The following CLNK variants were observed in gnomAD, a reference collection of about 807,000 sequenced individuals.
CLNK encodes the protein cytokine-dependent hematopoietic cell linker.
Under a neutral mutation model 68.6 loss-of-function variants are expected in CLNK, and 74 were observed. That is an observed-to-expected ratio of 1.08 (90% CI 0.89 to 1.31). The LOEUF (loss-of-function observed/expected upper bound fraction) is 1.31, where lower values mean the gene tolerates loss of function less well. Ranked by LOEUF, CLNK falls within the 50% of genes most tolerant of loss-of-function variation. CLNK has a pLI of 0.00. For synonymous variants in CLNK, 198 were observed against 172.2 expected (o/e 1.15, Z -1.17); for missense variants, 553 against 515.3 (o/e 1.07, Z -0.71).
At chr4:10,648,790 C>G (rs1723617974) in intron 2 of CLNK, among the ~76,000 whole-genome samples, 1 of 152,130 alleles carries the variant, frequency 6.6e-6, no homozygotes, top group Non-Finnish European at 1.5e-5. Context: ...AACACAGAAG[C>G]TCAGTACTAA....
chr4:10,721,843 C>T, the CLNK span, among the ~76,000 whole-genome samples: 3 of 152,152 alleles, frequency 2.0e-5, no homozygotes, highest in Non-Finnish European at 1.5e-5. Flanking sequence ...TTGACAGGTG[C>T]ATATTGTATT....
chr4:10,541,371 T>C (rs1719017201), intron 10 of CLNK, among the ~76,000 whole-genome samples: 1 of 152,000 alleles, frequency 6.6e-6, no homozygotes, highest in South Asian at 2.1e-4. Flanking sequence ...AGGAAAAAGA[T>C]ACAGTTTTTG....
At chr4:10,562,437 C>T (rs1330429143) in intron 7 of CLNK, among the ~76,000 whole-genome samples, 2 of 151,836 alleles carry the variant, frequency 1.3e-5, no homozygotes, top group Non-Finnish European at 2.9e-5. Flanking sequence ...GATGCAGTCT[C>T]GCTTGGTCAC....
At position 10,487,873 on chromosome 4, in the gene CLNK, C is replaced by G. The variant is rs945085230; in HGVS notation, c.*2594G>C. 2 of 152,208 alleles carry G rather than the reference C, an allele frequency of 1.3e-5. No individual in the cohort carries two copies. The highest frequency in any genetic ancestry group is 3.9e-4 in the East Asian group (2 of 5,174). 9.4% of individuals were successfully genotyped at this position (152,208 alleles called of 1,614,324 possible). On this transcript the variant is annotated 3_prime_UTR_variant, in exon 19 of 19. Transcript: ENST00000226951. The stretch of plus-strand genomic sequence containing the variant: ...TGGGAGCCTGAAAGCCCACCCCATA[C>G]CCATACTTCTGTTTCTTCTCCCTTT...
chr4:10,551,618 A>G (rs1719462040), intron 8 of CLNK, among the ~76,000 whole-genome samples: 2 of 152,130 alleles, frequency 1.3e-5, no homozygotes, highest in African/African-American at 4.8e-5. Flanking sequence ...ACTATGAAAT[A>G]CAATCAGAAA....
At chr4:10,667,389 T>A (rs1724440440) in intron 2 of CLNK, among the ~76,000 whole-genome samples, 1 of 138,436 alleles carries the variant, frequency 7.2e-6, no homozygotes, top group Admixed American at 7.5e-5. Context: ...TTTTTTTTTT[T>A]ACTATACTAT....
rs1284057822 is a variant in CLNK, at chr4:10,542,032, G to A, written c.481C>T (p.Pro161Ser). The A allele has an allele frequency of 3.1e-6, 5 of 1,591,550 alleles. No individual in the cohort carries two copies. Among genetic ancestry groups the A allele is most frequent in the South Asian group, 1.1e-5 (1 of 87,334 alleles). The change falls in exon 10 of 19, where the codon CCA (proline) becomes TCA (serine). Residue 161 changes from proline to serine, a missense_variant. Coordinates refer to ENST00000226951, the MANE Select transcript of CLNK (RefSeq NM_052964.4). The stretch of plus-strand genomic sequence containing the variant: ...TTTAAAGTGTTTTACCGAGGAGGTG[G>A]TAAAGGAATCTGAAAAAGAAAAGAG... The part of the protein sequence containing the change: ...ASVRKNKIPL[P>S]PPRPLITLPK...
the CLNK span, among the ~76,000 whole-genome samples, chr4:10,718,192 A>C: frequency 2.6e-5 from 4 of 152,218 alleles, no homozygotes; most frequent in African/African-American, 9.6e-5. Flanking sequence ...TGGATCTAAC[A>C]TTCATGCCAT....
chr4:10,701,665 G>C, the CLNK span, among the ~76,000 whole-genome samples: 1 of 152,154 alleles, frequency 6.6e-6, no homozygotes, highest in Non-Finnish European at 1.5e-5. Context: ...CATAGAAAAG[G>C]CTTCACATTT....
At chr4:10,603,620 T>C (rs1721675159) in intron 2 of CLNK, among the ~76,000 whole-genome samples, 1 of 152,106 alleles carries the variant, frequency 6.6e-6, no homozygotes. Context: ...AGAGGCAGAA[T>C]TGGGCAGGGG....
intron 2 of CLNK, among the ~76,000 whole-genome samples, chr4:10,651,092 A>C (rs919260544): frequency 3.9e-5 from 6 of 152,218 alleles, no homozygotes; most frequent in Non-Finnish European, 8.8e-5. Context: ...ACGCTCTTAC[A>C]CTGTTGGTGA....
intron 11 of CLNK, 95 bp from the exon 12 acceptor site, chr4:10,532,378 C>A: frequency 9.9e-7 from 1 of 1,012,922 alleles, no homozygotes; most frequent in South Asian, 1.4e-5. Context: ...ATTACATTTT[C>A]ATTGCCAAAT....
chr4:10,632,812 T>A (rs1722941564), intron 2 of CLNK, among the ~76,000 whole-genome samples: 1 of 152,228 alleles, frequency 6.6e-6, no homozygotes, highest in African/African-American at 2.4e-5. Context: ...CTCTCACTAC[T>A]TTTGCATTCG....
intron 3 of CLNK, among the ~76,000 whole-genome samples, chr4:10,595,248 A>G (rs1721341587): frequency 1.3e-5 from 2 of 152,240 alleles, no homozygotes; most frequent in Admixed American, 1.3e-4. Flanking sequence ...GTAAATGGGA[A>G]TACGAATGCC....
chr4:10,659,557 A>G (rs1298443198), intron 2 of CLNK, among the ~76,000 whole-genome samples: 1 of 152,214 alleles, frequency 6.6e-6, no homozygotes, highest in African/African-American at 2.4e-5. Flanking sequence ...ATTTGACTTT[A>G]TCATCTCCTT....
chr4:10,585,063 T>C, intron 3 of CLNK, 108 bp from the exon 4 acceptor site: 1 of 1,094,104 alleles, frequency 9.1e-7, no homozygotes, highest in Non-Finnish European at 1.4e-6. Context: ...AGTCAGCCTC[T>C]GAAGCTGCTT....
chr4:10,548,850 TG>T (rs1719338812), intron 8 of CLNK, among the ~76,000 whole-genome samples: 1 of 152,252 alleles, frequency 6.6e-6, no homozygotes, highest in African/African-American at 2.4e-5. Context: ...CATTTATTTC[TG>T]GGCTCTGCAC....
chr4:10,530,926 TC>T, intron 12 of CLNK, among the ~76,000 whole-genome samples: 2 of 152,306 alleles, frequency 1.3e-5, no homozygotes, highest in South Asian at 4.1e-4. Flanking sequence ...CCAGAACTGT[TC>T]TTCTCGTCAA....
chr4:10,541,064 A>G (rs892118780), intron 10 of CLNK, among the ~76,000 whole-genome samples: 2 of 152,036 alleles, frequency 1.3e-5, no homozygotes, highest in Non-Finnish European at 2.9e-5. Context: ...AAATACAAAA[A>G]TTAGCCAGTC....
Sources: gnomAD v4.1 joint callset for allele counts (sites outside exome capture counted in the v4.1 genomes callset) on GRCh38, gnomAD v4.1.1 for gene constraint, MANE v1.5 for transcripts, NCBI Gene and HGNC (gene_info 2026-07-23, HGNC 2026-07-21) for gene names.